SPAG17: variants seen among roughly 807,000 people sequenced by gnomAD.
SPAG17 encodes the protein sperm-associated antigen 17.
SPAG17 carries 169 observed loss-of-function variants against 273.6 expected under a neutral mutation model. The ratio of observed to expected loss-of-function variants is 0.62; its 90% CI spans 0.55 to 0.70. The LOEUF is 0.70. SPAG17 is among the 30% of genes least tolerant of loss of function. SPAG17 has a pLI of 0.00. For synonymous variants in SPAG17, 825 were observed against 873.2 expected (o/e 0.94, Z 0.97); for missense variants, 2,557 against 2,627.8 (o/e 0.97, Z 0.59).
intron 38 of SPAG17, among the ~76,000 whole-genome samples, chr1:117,989,966 A>G (rs1323735229): frequency 6.6e-6 from 1 of 152,136 alleles, no homozygotes; most frequent in Non-Finnish European, 1.5e-5. Context: ...TTTGTCATTC[A>G]TCTAAAATTT....
At position 117,968,176 on chromosome 1, in the gene SPAG17, A is replaced by T. The variant is rs182000685; in HGVS notation, c.6388-1423T>A. On this transcript the variant is annotated intron_variant, in intron 46 of 48. Transcript: ENST00000336338. ...CAAGCTGAACGGTGGTTAGATTTACATATGGGGAAGTCTACAGATTATATT... is the reference window on the plus strand; with the variant it reads ...CAAGCTGAACGGTGGTTAGATTTACTTATGGGGAAGTCTACAGATTATATT... 1.2e-4 allele frequency among the ~76,000 whole-genome samples: 19 copies of T among 152,296 alleles called. No homozygotes were observed. The East Asian group carries it at 3.7e-3, about 29-fold the overall frequency.
At chr1:118,082,036 C>T (rs533554348) in intron 13 of SPAG17, among the ~76,000 whole-genome samples, 1 of 152,258 alleles carries the variant, frequency 6.6e-6, no homozygotes, top group East Asian at 1.9e-4. Flanking sequence ...TTTACTTATG[C>T]CTAATATAGG....
At chr1:118,139,130 T>TA (rs1437847751) in intron 3 of SPAG17, among the ~76,000 whole-genome samples, 3 of 151,260 alleles carry the variant, frequency 2.0e-5, no homozygotes, top group Non-Finnish European at 4.4e-5. Flanking sequence ...AAAAAAAATT[T>TA]AAAAAAAATG....
At chr1:118,008,600 T>C (rs1461772345) in intron 30 of SPAG17, among the ~76,000 whole-genome samples, 1 of 152,208 alleles carries the variant, frequency 6.6e-6, no homozygotes, top group Non-Finnish European at 1.5e-5. Flanking sequence ...TTTCTCCTTA[T>C]ATCTGGGCTT....
At chr1:118,135,680 G>A (rs1658314728) in intron 3 of SPAG17, among the ~76,000 whole-genome samples, 1 of 152,126 alleles carries the variant, frequency 6.6e-6, no homozygotes, top group Admixed American at 6.6e-5. Flanking sequence ...TCTGCATGGG[G>A]AATGCTATGA....
intron 24 of SPAG17, among the ~76,000 whole-genome samples, chr1:118,032,152 A>C (rs778208523): frequency 6.6e-6 from 1 of 152,206 alleles, no homozygotes; most frequent in Non-Finnish European, 1.5e-5. Context: ...ATGATAGGGC[A>C]TTAACTATAT....
At chr1:117,994,646 T>C in intron 34 of SPAG17, 116 bp from the exon 35 acceptor site, 1 of 1,061,790 alleles carries the variant, frequency 9.4e-7, no homozygotes, top group Non-Finnish European at 1.3e-6. Context: ...CATGAAAGAC[T>C]AATGAGACAC....
chr1:118,165,638 A>C (rs1340083758), intron 1 of SPAG17, among the ~76,000 whole-genome samples: 1 of 144,280 alleles, frequency 6.9e-6, no homozygotes, highest in Non-Finnish European at 1.5e-5. Flanking sequence ...AAAAAAAAAA[A>C]AACTTTCTTT....
At chr1:117,991,362 C>A in intron 37 of SPAG17, 53 bp downstream of exon 37, 2 of 1,079,366 alleles carry the variant, frequency 1.9e-6, no homozygotes, top group Non-Finnish European at 2.7e-6. Flanking sequence ...TGTCCTGAAA[C>A]ATTTAATATT....
intron 21 of SPAG17, among the ~76,000 whole-genome samples, chr1:118,041,156 C>T (rs994368593): frequency 2.6e-5 from 4 of 152,116 alleles, no homozygotes; most frequent in Admixed American, 2.6e-4. Context: ...TGTTAATTTT[C>T]TGTTTAAAGT....
Position 117,996,514 on chromosome 1 carries a change from T to A in SPAG17, c.4923-14A>T, listed in dbSNP as rs751149208. The A allele has an allele frequency of 6.2e-7, 1 of 1,607,972 alleles. No homozygotes were observed. The highest frequency in any genetic ancestry group is 8.5e-7 in the Non-Finnish European group (1 of 1,177,944). ...ATAACAAAAAACCTATTTGAAGAAA[T>A]AAAAATATAATCACTTCAAGTATTC... On this transcript the variant is annotated splice_polypyrimidine_tract_variant and intron_variant, in intron 33 of 48. Coordinates refer to ENST00000336338, the MANE Select transcript of SPAG17 (RefSeq NM_206996.4).
At chr1:118,064,718 C>T (rs896434185) in intron 18 of SPAG17, among the ~76,000 whole-genome samples, 12 of 149,142 alleles carry the variant, frequency 8.0e-5, no homozygotes, top group Non-Finnish European at 1.8e-4. Flanking sequence ...CCCATGTACC[C>T]TAAAACTTAA....
At chr1:118,095,208 G>A (rs185497499) in intron 7 of SPAG17, among the ~76,000 whole-genome samples, 1 of 152,330 alleles carries the variant, frequency 6.6e-6, no homozygotes, top group Admixed American at 6.5e-5. Context: ...ACACTGCAGT[G>A]AGAAGCAGAG....
At chr1:118,099,944 T>C (rs1655956486) in intron 5 of SPAG17, 144 bp from the exon 6 acceptor site, 3 of 639,934 alleles carry the variant, frequency 4.7e-6, no homozygotes, top group Non-Finnish European at 7.9e-6. Flanking sequence ...TGGAATGCAG[T>C]CATGTTGACT....
intron 1 of SPAG17, among the ~76,000 whole-genome samples, chr1:118,169,145 T>G (rs567190766): frequency 1.3e-5 from 2 of 152,218 alleles, no homozygotes; most frequent in African/African-American, 2.4e-5. Context: ...TTTAATATTT[T>G]TCACTTGCAA....
chr1:117,989,104 C>T (rs749002), intron 38 of SPAG17, among the ~76,000 whole-genome samples: 44 of 152,204 alleles, frequency 2.9e-4, no homozygotes, highest in Middle Eastern at 3.4e-3. Context: ...AAGTATAGGG[C>T]CCCTGGTTAA....
At chr1:118,137,543 TG>T (rs964194964) in intron 3 of SPAG17, among the ~76,000 whole-genome samples, 1 of 152,254 alleles carries the variant, frequency 6.6e-6, no homozygotes, top group African/African-American at 2.4e-5. Context: ...AGGCATTTAT[TG>T]AACAATTTCA....
intron 3 of SPAG17, among the ~76,000 whole-genome samples, chr1:118,136,449 G>A (rs987864049): frequency 1.3e-5 from 2 of 152,146 alleles, no homozygotes; most frequent in Non-Finnish European, 2.9e-5. Flanking sequence ...AAAGGATAAC[G>A]AATATAATGG....
chr1:118,184,988 G>C, intron 1 of SPAG17, 83 bp downstream of exon 1: 1 of 1,172,250 alleles, frequency 8.5e-7, no homozygotes, highest in African/African-American at 1.5e-5. Context: ...GAGAGGGCGA[G>C]CCTTAAGGCG....
Sources: gnomAD v4.1 joint callset for allele counts (sites outside exome capture counted in the v4.1 genomes callset) on GRCh38, gnomAD v4.1.1 for gene constraint, MANE v1.5 for transcripts, NCBI Gene and HGNC (gene_info 2026-07-23, HGNC 2026-07-21) for gene names.